Variants in VTI1A observed in about 807,000 individuals in gnomAD.
VTI1A encodes vesicle transport through interaction with t-SNAREs homolog 1A.
In VTI1A, 22 loss-of-function variants were observed where a neutral mutation model predicts 34.9. That is an observed-to-expected ratio of 0.63 (90% CI 0.45 to 0.90). The LOEUF (loss-of-function observed/expected upper bound fraction) is 0.90, where lower values mean the gene tolerates loss of function less well. Among genes scored for constraint, VTI1A ranks in the 40% least tolerant of loss-of-function variants. VTI1A has a pLI of 0.00. For missense variants in VTI1A, 268 were observed against 275.6 expected, an observed-to-expected ratio of 0.97 and a Z score of 0.20; for synonymous variants, 87 against 97.3, an observed-to-expected ratio of 0.89 and a Z score of 0.62.
At position 112,737,328 on chromosome 10, in the gene VTI1A, G is replaced by A. The variant is rs973855207; in HGVS notation, c.560+68330G>A. ...CGATCTCTTAACCTTGTGAGCCACC[G>A]TGCCCAACCCTAACAATTATTTTTA... is the stretch of plus-strand genomic sequence containing the variant. On this transcript the variant is annotated intron_variant, in intron 7 of 7. Transcript: ENST00000393077. 5.6e-5 allele frequency: 57 copies of A among 1,020,654 alleles called. 1 individual carries two copies. The East Asian group carries it at 2.1e-3, about 37-fold the overall frequency. 63.2% of individuals were successfully genotyped at this position (1,020,654 alleles called of 1,614,324 possible). A position where few individuals can be genotyped will look rare whatever the true frequency, so the allele number is the denominator to read the frequency against.
At chr10:112,728,208 G>C (rs1267983274) in intron 7 of VTI1A, among the ~76,000 whole-genome samples, 1 of 152,008 alleles carries the variant, frequency 6.6e-6, no homozygotes, top group Non-Finnish European at 1.5e-5. Flanking sequence ...CTCAAAATGA[G>C]TGGATTCAGA....
chr10:112,815,157 A>G (rs1853476373), intron 7 of VTI1A, 133 bp from the exon 8 acceptor site: 1 of 520,384 alleles, frequency 1.9e-6, no homozygotes, highest in Non-Finnish European at 3.7e-6. Context: ...ACACACACAC[A>G]CACACACACA....
At chr10:112,615,046 T>C (rs1215542680) in intron 5 of VTI1A, among the ~76,000 whole-genome samples, 1 of 152,098 alleles carries the variant, frequency 6.6e-6, no homozygotes, top group Non-Finnish European at 1.5e-5. Flanking sequence ...GGCAAATGGA[T>C]CATTGTTGAA....
chr10:112,802,659 G>C (rs1852914269), intron 7 of VTI1A, among the ~76,000 whole-genome samples: 1 of 152,226 alleles, frequency 6.6e-6, no homozygotes, highest in African/African-American at 2.4e-5. Context: ...CCAAAGAGTA[G>C]AGCCGGGTTG....
intron 3 of VTI1A, among the ~76,000 whole-genome samples, chr10:112,467,868 T>C (rs899330283): frequency 6.6e-6 from 1 of 152,236 alleles, no homozygotes; most frequent in African/African-American, 2.4e-5. Flanking sequence ...TGTCAGGCAC[T>C]GTCCGAGGTG....
chr10:112,502,221 C>T (rs1385814053), intron 3 of VTI1A, among the ~76,000 whole-genome samples: 8 of 151,608 alleles, frequency 5.3e-5, no homozygotes, highest in Admixed American at 2.0e-4. Flanking sequence ...TTTGTAGAGA[C>T]GGGGTTTTAC....
chr10:112,534,173 G>A (rs1315280509), intron 4 of VTI1A, among the ~76,000 whole-genome samples: 1 of 152,042 alleles, frequency 6.6e-6, no homozygotes, highest in Non-Finnish European at 1.5e-5. Flanking sequence ...GAGTTTGCTG[G>A]ACTGTTTCAT....
At chr10:112,712,480 A>T (rs912907265) in intron 7 of VTI1A, among the ~76,000 whole-genome samples, 7 of 148,884 alleles carry the variant, frequency 4.7e-5, no homozygotes, top group African/African-American at 1.5e-4. Context: ...ATTATCACAC[A>T]CACACACACA....
chr10:112,853,836 G>A, the VTI1A span, among the ~76,000 whole-genome samples: 1 of 152,230 alleles, frequency 6.6e-6, no homozygotes, highest in East Asian at 1.9e-4. Context: ...CAGCAAAGCT[G>A]CTACACTCCG....
At chr10:112,677,420 T>C (rs1430069194) in intron 7 of VTI1A, among the ~76,000 whole-genome samples, 1 of 152,234 alleles carries the variant, frequency 6.6e-6, no homozygotes, top group Non-Finnish European at 1.5e-5. Flanking sequence ...ATGGCATGTA[T>C]TGTAATTATT....
intron 7 of VTI1A, among the ~76,000 whole-genome samples, chr10:112,685,590 A>G (rs1433590247): frequency 1.3e-5 from 2 of 152,116 alleles, no homozygotes; most frequent in Non-Finnish European, 2.9e-5. Flanking sequence ...TATTTTCAAA[A>G]ACATTTTTTG....
chr10:112,697,865 CATGTGTGTGT>C (rs201125542), intron 7 of VTI1A, among the ~76,000 whole-genome samples: 4 of 126,208 alleles, frequency 3.2e-5, no homozygotes, highest in South Asian at 2.9e-4. Flanking sequence ...TTAGCATTTA[CATGTGTGTGT>C]GTGTGTGTGT....
chr10:112,536,465 A>G (rs1168785550), intron 4 of VTI1A, among the ~76,000 whole-genome samples: 2 of 152,206 alleles, frequency 1.3e-5, no homozygotes, highest in Non-Finnish European at 2.9e-5. Flanking sequence ...ATTTAAAAAT[A>G]GTCATCAATG....
the VTI1A span, among the ~76,000 whole-genome samples, chr10:112,830,849 A>ATATATTTTTTTT: frequency 1.2e-4 from 4 of 33,512 alleles, no homozygotes; most frequent in African/African-American, 2.9e-4. Context: ...ATATATATAT[A>ATATATTTTTTTT]TTTTTTTTTT....
intron 7 of VTI1A, among the ~76,000 whole-genome samples, chr10:112,706,815 A>T (rs1849214814): frequency 6.6e-6 from 1 of 152,152 alleles, no homozygotes; most frequent in Non-Finnish European, 1.5e-5. Flanking sequence ...CGCAACATCA[A>T]AACACAGACC....
At chr10:112,722,650 T>C (rs6585179) in intron 7 of VTI1A, among the ~76,000 whole-genome samples, 58,694 of 151,984 alleles carry the variant, frequency 0.39, 14,132 homozygotes, top group African/African-American at 0.68. Flanking sequence ...GCTTCAGAGG[T>C]CAGTGGCTCT....
chr10:112,638,290 C>G lies in VTI1A; in HGVS notation c.428-29928C>G, dbSNP rs1048304178. 2.2e-4 allele frequency among the ~76,000 whole-genome samples: 33 copies of G among 152,260 alleles called. 1 individual carries two copies. The highest frequency in any genetic ancestry group is 1.9e-3 in the Admixed American group (29 of 15,288). The stretch of plus-strand genomic sequence containing the variant: ...TTTACATGGGAGGGAGTTATTTAAA[C>G]ATTGAGAGCCCCAGGGATAAAAGAG... On this transcript the variant is annotated intron_variant, in intron 5 of 7. Coordinates refer to ENST00000393077, the MANE Select transcript of VTI1A (RefSeq NM_145206.4).
chr10:112,523,019 C>A (rs1056601938), intron 3 of VTI1A, among the ~76,000 whole-genome samples: 1 of 152,078 alleles, frequency 6.6e-6, no homozygotes, highest in African/African-American at 2.4e-5. Context: ...AATCCTCATT[C>A]TGGTTACGTA....
In VTI1A at chr10:112,607,555, A is replaced by G. The variant is rs114926984; in HGVS notation, c.428-60663A>G. ...AAGGTAGGAAAGATTTTCTGAATGG[A>G]AAAGTATCCTACTGCCCCACTTCTA... On this transcript the variant is annotated intron_variant, in intron 5 of 7. Transcript: ENST00000393077. 4.0e-3 allele frequency among the ~76,000 whole-genome samples: 610 copies of G among 152,328 alleles called. 4 individuals carry two copies. The highest frequency in any genetic ancestry group is 0.013 in the African/African-American group (552 of 41,556).
Sources: gnomAD v4.1 joint callset for allele counts (sites outside exome capture counted in the v4.1 genomes callset) on GRCh38, gnomAD v4.1.1 for gene constraint, MANE v1.5 for transcripts, NCBI Gene and HGNC (gene_info 2026-07-23, HGNC 2026-07-21) for gene names.